CADM2: variants seen among roughly 807,000 people sequenced by gnomAD.
CADM2 encodes cell adhesion molecule 2.
A neutral mutation model predicts 49.8 loss-of-function variants in CADM2; 12 were observed. That is an observed-to-expected ratio of 0.24 (90% confidence interval 0.15 to 0.39). The LOEUF (loss-of-function observed/expected upper bound fraction) is 0.39, where lower values mean the gene tolerates loss of function less well. Among genes scored for constraint, CADM2 ranks in the 10% least tolerant of loss-of-function variants. The pLI is 1.00. For missense variants in CADM2, 378 were observed against 492.3 expected (o/e 0.77, Z 2.20); for synonymous variants, 214 against 175.4 (o/e 1.22, Z -1.74).
At chr3:85,881,432 T>C (rs9815816) in intron 3 of CADM2, among the ~76,000 whole-genome samples, 51,494 of 152,064 alleles carry the variant, frequency 0.34, 11,878 homozygotes, top group African/African-American at 0.65. Context: ...TCCTGGTGTT[T>C]AGTATGACTA....
chr3:85,015,035 T>A (rs571957383), intron 1 of CADM2, among the ~76,000 whole-genome samples: 1 of 152,262 alleles, frequency 6.6e-6, no homozygotes, highest in Non-Finnish European at 1.5e-5. Context: ...AATCCAAAAC[T>A]GCCAACAATT....
chr3:85,505,131 A>G (rs1196526155), intron 1 of CADM2, among the ~76,000 whole-genome samples: 1 of 152,206 alleles, frequency 6.6e-6, no homozygotes, highest in Non-Finnish European at 1.5e-5. Flanking sequence ...CCCACAGTGC[A>G]GCGGCGGGCT....
At chr3:85,758,458 A>G (rs1245099875) in intron 2 of CADM2, among the ~76,000 whole-genome samples, 4 of 152,122 alleles carry the variant, frequency 2.6e-5, no homozygotes, top group African/African-American at 9.7e-5. Context: ...ACCACTAGTA[A>G]AAGACACCTT....
intron 2 of CADM2, among the ~76,000 whole-genome samples, chr3:85,753,858 G>A (rs1352937224): frequency 6.6e-6 from 1 of 152,152 alleles, no homozygotes; most frequent in East Asian, 1.9e-4. Context: ...GTGAGAGACT[G>A]AGACAAGTTT....
intron 1 of CADM2, among the ~76,000 whole-genome samples, chr3:85,299,537 C>T (rs1182286394): frequency 6.6e-6 from 1 of 151,932 alleles, no homozygotes; most frequent in Non-Finnish European, 1.5e-5. Context: ...TAGAAAATGT[C>T]GTATGGATCA....
At chr3:85,527,365 G>A (rs1264370153) in intron 1 of CADM2, among the ~76,000 whole-genome samples, 1 of 137,164 alleles carries the variant, frequency 7.3e-6, no homozygotes. Context: ...CTGCACTCTA[G>A]CCTGGGCGAC....
At chr3:85,423,453 T>A (rs2036265606) in intron 1 of CADM2, among the ~76,000 whole-genome samples, 1 of 152,108 alleles carries the variant, frequency 6.6e-6, no homozygotes, top group African/African-American at 2.4e-5. Context: ...AATTAATGAA[T>A]CTTAGCTTTT....
intron 1 of CADM2, among the ~76,000 whole-genome samples, chr3:85,237,162 T>G (rs2042426242): frequency 6.6e-6 from 1 of 152,010 alleles, no homozygotes; most frequent in Admixed American, 6.6e-5. Context: ...CCAGCCAAAC[T>G]TCAGAGTTAA....
rs944439757 is a variant in CADM2, at chr3:85,100,922, T to C, written c.61+141254T>C. ...TGTCATGTGCAATTCTTCTAACTGC[T>C]GAACATTAGGAAAAATTTCAAAGAA... On this transcript the variant is annotated intron_variant, in intron 1 of 9. Coordinates refer to ENST00000383699, the MANE Select transcript of CADM2 (RefSeq NM_001167675.2). Among the ~76,000 whole-genome samples the C allele has an allele frequency of 2.0e-5, 3 of 152,168 alleles. No individual in the cohort carries two copies. In the South Asian group the frequency reaches 6.2e-4, roughly 32 times the overall value.
chr3:85,063,043 C>T (rs946006354), intron 1 of CADM2, among the ~76,000 whole-genome samples: 1 of 151,854 alleles, frequency 6.6e-6, no homozygotes. Context: ...CTGATTTACA[C>T]TTCAAATGGA....
chr3:85,510,541 T>C (rs1180934608), intron 1 of CADM2, among the ~76,000 whole-genome samples: 6 of 152,092 alleles, frequency 3.9e-5, no homozygotes, highest in Non-Finnish European at 8.8e-5. Flanking sequence ...ACACTTTTGC[T>C]TTTTTCAGTT....
chr3:85,481,204 G>C (rs1332111474), intron 1 of CADM2, among the ~76,000 whole-genome samples: 1 of 141,134 alleles, frequency 7.1e-6, no homozygotes, highest in East Asian at 2.1e-4. Flanking sequence ...CACATACACA[G>C]CATATACACA....
At chr3:85,858,615 G>T (rs2075401536) in intron 3 of CADM2, among the ~76,000 whole-genome samples, 1 of 152,196 alleles carries the variant, frequency 6.6e-6, no homozygotes, top group Non-Finnish European at 1.5e-5. Context: ...GCAGGTTTCT[G>T]CACCTGCAAT....
At chr3:85,961,397 T>C in intron 7 of CADM2, 72 bp from the exon 8 acceptor site, 2 of 1,285,230 alleles carry the variant, frequency 1.6e-6, no homozygotes, top group Non-Finnish European at 2.1e-6. Context: ...TATTAAAAAA[T>C]TGATTTACTA....
intron 1 of CADM2, among the ~76,000 whole-genome samples, chr3:85,141,275 T>C (rs780092415): frequency 6.6e-6 from 1 of 152,208 alleles, no homozygotes; most frequent in Non-Finnish European, 1.5e-5. Flanking sequence ...GCAAATTACT[T>C]AAACTGTTTA....
At chr3:85,394,701 C>G (rs569167029) in intron 1 of CADM2, among the ~76,000 whole-genome samples, 242 of 152,208 alleles carry the variant, frequency 1.6e-3, no homozygotes, top group Non-Finnish European at 2.8e-3. Flanking sequence ...CTTCATTTAT[C>G]ATGATTTAGA....
Position 85,155,840 on chromosome 3 carries a change from A to G in CADM2, c.61+196172A>G, listed in dbSNP as rs573150172. Among the ~76,000 whole-genome samples the G allele has an allele frequency of 5.9e-5, 9 of 152,332 alleles. No individual in the cohort carries two copies. The South Asian group carries it at 1.9e-3, about 32-fold the overall frequency. ...TTGAACAACCTGCTCCTGAATGACTACTGGGTACATAACGAAATGAAGGCA... is the reference window on the plus strand; with the variant it reads ...TTGAACAACCTGCTCCTGAATGACTGCTGGGTACATAACGAAATGAAGGCA... On this transcript the variant is annotated intron_variant, in intron 1 of 9. Coordinates refer to ENST00000383699, the MANE Select transcript of CADM2 (RefSeq NM_001167675.2).
chr3:85,515,631 A>ATTTTTT (rs1553734357), intron 1 of CADM2, among the ~76,000 whole-genome samples: 22 of 118,402 alleles, frequency 1.9e-4, no homozygotes, highest in African/African-American at 7.1e-4. Context: ...ATATATATAT[A>ATTTTTT]TTTTTTTTTT....
rs36014885 is a variant in CADM2 at position 85,552,366 on chromosome 3, G to GT, written c.62-174126dup. On this transcript the variant is annotated intron_variant, in intron 1 of 9. Transcript: ENST00000383699. ...TAAAATAATTAAATCACTTTGAAAA[G>GT]TTTTTTTTTTTTTTTTTTTTTTTTT... is the stretch of plus-strand genomic sequence containing the variant. 8.7e-3 allele frequency among the ~76,000 whole-genome samples: 766 copies of GT among 87,566 alleles called. 32 individuals are homozygous for GT. Among genetic ancestry groups the GT allele is most frequent in the African/African-American group, 0.011 (229 of 21,560 alleles). The allele number at this position is 87,566 out of a possible 152,430, so 57.4% of individuals were successfully genotyped here.
Sources: allele counts gnomAD v4.1 joint callset (sites outside exome capture counted in the v4.1 genomes callset), GRCh38; gene constraint gnomAD v4.1.1; transcripts MANE v1.5; gene names NCBI Gene and HGNC (gene_info 2026-07-23, HGNC 2026-07-21).